FAM241A: variants seen among roughly 807,000 people sequenced by gnomAD.
FAM241A encodes the protein uncharacterized protein FAM241A.
Under a neutral mutation model 12.2 loss-of-function variants are expected in FAM241A, and 7 were observed. That is an observed-to-expected ratio of 0.58 (90% CI 0.33 to 1.08). The LOEUF is 1.08. Ranked by LOEUF, FAM241A falls within the 50% of genes least tolerant of loss-of-function variation. The probability of loss-of-function intolerance (pLI) is 0.04; values close to 1 mark genes in which losing one functional copy is unlikely to be tolerated. For missense variants in FAM241A, 161 were observed against 169.7 expected (o/e 0.95, Z 0.29); for synonymous variants, 74 against 68.2 (o/e 1.08, Z -0.42).
rs1163450484 is a variant in FAM241A, at chr4:112,193,457, C to A, written c.*6519C>A. 1 of 152,154 alleles carries A rather than the reference C, an allele frequency of 6.6e-6. No homozygotes were observed. Among genetic ancestry groups the A allele is most frequent in the Non-Finnish European group, 1.5e-5 (1 of 68,040 alleles). The allele number at this position is 152,154 out of a possible 1,614,324, so 9.4% of individuals were successfully genotyped here. On this transcript the variant is annotated 3_prime_UTR_variant, in exon 2 of 2. Transcript: ENST00000309733. ...TCCTGAATGGTAATGCCTAGGTTTT[C>A]TTCTAGGGTTTTTATGGTTTTAGGT... is the stretch of plus-strand genomic sequence containing the variant.
At chr4:112,162,435 T>G (rs1009857059) in intron 1 of FAM241A, among the ~76,000 whole-genome samples, 2 of 152,204 alleles carry the variant, frequency 1.3e-5, no homozygotes, top group African/African-American at 4.8e-5. Context: ...CAAAATCTCC[T>G]TAAGCTGATA....
rs1289683404 is a variant in FAM241A, at chr4:112,190,629, C to G, written c.*3691C>G. 6.6e-6 allele frequency: 1 copy of G among 151,204 alleles called. No individual in the cohort carries two copies. The highest frequency in any genetic ancestry group is 1.5e-5 in the Non-Finnish European group (1 of 67,918). The allele number at this position is 151,204 out of a possible 1,614,324, so 9.4% of individuals were successfully genotyped here. ...CAGGAGAGTCGCTTGAACCCGGAAG[C>G]CAAAGTTTGCAGTGAGCCAAGATTA... On this transcript the variant is annotated 3_prime_UTR_variant, in exon 2 of 2. Coordinates refer to ENST00000309733, the MANE Select transcript of FAM241A (RefSeq NM_152400.3).
intron 1 of FAM241A, among the ~76,000 whole-genome samples, chr4:112,161,612 A>G (rs1174424211): frequency 6.6e-6 from 1 of 152,232 alleles, no homozygotes; most frequent in East Asian, 1.9e-4. Flanking sequence ...TAAACCGGGA[A>G]GAATTTGAAT....
chr4:112,167,287 T>C lies in FAM241A; in HGVS notation c.154-19406T>C, dbSNP rs373739655. ...CATAAAGTAAAAAGATAAGATGCCC[T>C]ATAGATAAGCCCCTAAGGAGTTCTA... On this transcript the variant is annotated intron_variant, in intron 1 of 1. Coordinates refer to ENST00000309733, the MANE Select transcript of FAM241A (RefSeq NM_152400.3). 3.9e-5 allele frequency among the ~76,000 whole-genome samples: 6 copies of C among 152,202 alleles called. No homozygotes were observed. The South Asian group carries it at 8.3e-4, about 21-fold the overall frequency.
intron 1 of FAM241A, among the ~76,000 whole-genome samples, chr4:112,181,318 G>A (rs1723937913): frequency 6.7e-6 from 1 of 149,060 alleles, no homozygotes; most frequent in Non-Finnish European, 1.5e-5. Flanking sequence ...GCCCATCTTT[G>A]GTTTGGCCAA....
In FAM241A at chr4:112,192,093, C is replaced by G. The variant is rs968092928; in HGVS notation, c.*5155C>G. ...CACAAAGAGCATGGGTTGATGTATA[C>G]ATTATAATTTATAAAGCTATTCACT... On this transcript the variant is annotated 3_prime_UTR_variant, in exon 2 of 2. Transcript: ENST00000309733. The G allele has an allele frequency of 6.6e-6, 1 of 152,114 alleles. No individual in the cohort carries two copies. The highest frequency in any genetic ancestry group is 2.4e-5 in the African/African-American group (1 of 41,404). 9.4% of individuals were successfully genotyped at this position (152,114 alleles called of 1,614,324 possible). A position where few individuals can be genotyped will look rare whatever the true frequency, so the allele number is the denominator to read the frequency against.
intron 1 of FAM241A, among the ~76,000 whole-genome samples, chr4:112,168,347 G>C (rs1723643669): frequency 6.6e-6 from 1 of 152,052 alleles, no homozygotes; most frequent in African/African-American, 2.4e-5. Context: ...ATGATTGATA[G>C]CTTAATAGAT....
At chr4:112,176,624 GTGAT>G (rs573138675) in intron 1 of FAM241A, among the ~76,000 whole-genome samples, 35 of 152,164 alleles carry the variant, frequency 2.3e-4, no homozygotes, top group Non-Finnish European at 4.9e-4. Flanking sequence ...CAAAAATCCA[GTGAT>G]TACTTAAGGG....
intron 1 of FAM241A, among the ~76,000 whole-genome samples, chr4:112,163,032 A>G (rs2110425475): frequency 6.6e-6 from 1 of 152,342 alleles, no homozygotes; most frequent in Non-Finnish European, 1.5e-5. Context: ...GATCTTTGAC[A>G]AACCTGAGAA....
At chr4:112,170,849 T>TA (rs1359425334) in intron 1 of FAM241A, among the ~76,000 whole-genome samples, 1 of 150,154 alleles carries the variant, frequency 6.7e-6, no homozygotes, top group Non-Finnish European at 1.5e-5. Context: ...CCAAATGTGA[T>TA]ACATTTTCTC....
chr4:112,162,726 C>T (rs1723501886), intron 1 of FAM241A, among the ~76,000 whole-genome samples: 1 of 152,162 alleles, frequency 6.6e-6, no homozygotes, highest in South Asian at 2.1e-4. Context: ...TGAAAATGGC[C>T]ATACTGCCCA....
chr4:112,182,212 G>T (rs779604476), intron 1 of FAM241A, among the ~76,000 whole-genome samples: 5 of 152,112 alleles, frequency 3.3e-5, no homozygotes, highest in Admixed American at 6.5e-5. Context: ...CTGACCTAGG[G>T]AGCATCAAGA....
At chr4:112,183,294 A>G (rs1419534812) in intron 1 of FAM241A, among the ~76,000 whole-genome samples, 1 of 151,988 alleles carries the variant, frequency 6.6e-6, no homozygotes, top group East Asian at 1.9e-4. Flanking sequence ...TAATTAAAAA[A>G]AAAGAAGAAG....
rs1249783694 is a variant in FAM241A at position 112,192,858 on chromosome 4, AC to A, written c.*5923del. 6.6e-6 allele frequency: 1 copy of A among 151,952 alleles called. No individual in the cohort carries two copies. Among genetic ancestry groups the A allele is most frequent in the East Asian group, 1.9e-4 (1 of 5,202 alleles). 9.4% of individuals were successfully genotyped at this position (151,952 alleles called of 1,614,324 possible). ...ATGATTTATAGTCCTTTGAGTATAT[AC>A]CCAGTAATGGGATGGCTGGGTCAAA... is the stretch of plus-strand genomic sequence containing the variant. On this transcript the variant is annotated 3_prime_UTR_variant, in exon 2 of 2. Coordinates refer to ENST00000309733, the MANE Select transcript of FAM241A (RefSeq NM_152400.3).
At chr4:112,166,215 A>AT (rs1039307677) in intron 1 of FAM241A, among the ~76,000 whole-genome samples, 2 of 150,816 alleles carry the variant, frequency 1.3e-5, no homozygotes, top group African/African-American at 2.4e-5. Context: ...CACCCGGCTA[A>AT]TTTTTTTGTA....
intron 1 of FAM241A, among the ~76,000 whole-genome samples, chr4:112,183,748 A>G (rs1197183994): frequency 2.0e-5 from 3 of 152,196 alleles, no homozygotes; most frequent in Admixed American, 2.0e-4. Flanking sequence ...AAGGCCAGAA[A>G]CAGTATCAAC....
At chr4:112,179,079 T>G (rs1394342913) in intron 1 of FAM241A, among the ~76,000 whole-genome samples, 2 of 152,164 alleles carry the variant, frequency 1.3e-5, no homozygotes, top group Non-Finnish European at 2.9e-5. Flanking sequence ...TTCAAAGAAC[T>G]TCAAACACTC....
chr4:112,188,013 A>G lies in FAM241A; in HGVS notation c.*1075A>G, dbSNP rs903167920. 3.9e-5 allele frequency: 6 copies of G among 152,160 alleles called. No homozygotes were observed. Among genetic ancestry groups the G allele is most frequent in the Non-Finnish European group, 7.4e-5 (5 of 67,990 alleles). 9.4% of individuals were successfully genotyped at this position (152,160 alleles called of 1,614,324 possible). A position where few individuals can be genotyped will look rare whatever the true frequency, so the allele number is the denominator to read the frequency against. On this transcript the variant is annotated 3_prime_UTR_variant, in exon 2 of 2. Coordinates refer to ENST00000309733, the MANE Select transcript of FAM241A (RefSeq NM_152400.3). ...TTTTGATAATCTTTTTCTAAGGCTA[A>G]AGTCACATCAGTAATTGGCTAGCCA...
At chr4:112,151,091 G>GT (rs1160107406) in intron 1 of FAM241A, among the ~76,000 whole-genome samples, 1 of 152,226 alleles carries the variant, frequency 6.6e-6, no homozygotes, top group African/African-American at 2.4e-5. Flanking sequence ...GTGATCTACA[G>GT]TGTTGGAGGT....
Sources: allele counts gnomAD v4.1 joint callset (sites outside exome capture counted in the v4.1 genomes callset), GRCh38; gene constraint gnomAD v4.1.1; transcripts MANE v1.5; gene names NCBI Gene and HGNC (gene_info 2026-07-23, HGNC 2026-07-21).